TAFA5: variants seen among roughly 807,000 people sequenced by gnomAD.
The protein encoded by TAFA5 is TAFA chemokine like family member 5.
Under a neutral mutation model 15.3 loss-of-function variants are expected in TAFA5, and 6 were observed. The observed-to-expected ratio is 0.39, with a 90% CI of 0.21 to 0.77. The LOEUF (loss-of-function observed/expected upper bound fraction) is 0.77. TAFA5 is among the 30% of genes least tolerant of loss of function. The pLI is 0.41. For synonymous variants in TAFA5, 103 were observed against 80.7 expected (o/e 1.28, Z -1.48); for missense variants, 161 against 193.1 (o/e 0.83, Z 0.98).
intron 1 of TAFA5, among the ~76,000 whole-genome samples, chr22:48,558,803 G>T (rs1001121797): frequency 2.0e-5 from 3 of 152,246 alleles, no homozygotes; most frequent in Non-Finnish European, 2.9e-5. Context: ...AGGTCAGGAG[G>T]ATACCCTGGG....
At chr22:48,662,969 G>A (rs542189808) in intron 2 of TAFA5, among the ~76,000 whole-genome samples, 2 of 152,288 alleles carry the variant, frequency 1.3e-5, no homozygotes, top group African/African-American at 4.8e-5. Context: ...CAGACCACTC[G>A]GCAGATCTGG....
At chr22:48,540,494 A>G (rs969094057) in intron 1 of TAFA5, among the ~76,000 whole-genome samples, 3 of 152,078 alleles carry the variant, frequency 2.0e-5, no homozygotes, top group African/African-American at 7.2e-5. Context: ...CTAATGGGGC[A>G]CATAAGCCTT....
intron 1 of TAFA5, among the ~76,000 whole-genome samples, chr22:48,633,627 C>T (rs1386006542): frequency 3.3e-5 from 5 of 151,768 alleles, no homozygotes; most frequent in Non-Finnish European, 5.9e-5. Flanking sequence ...GTGCAAATTC[C>T]TCCTGAACGG....
At chr22:48,495,664 G>A (rs556445864) in intron 1 of TAFA5, among the ~76,000 whole-genome samples, 1 of 152,162 alleles carries the variant, frequency 6.6e-6, no homozygotes. Flanking sequence ...TCTCTGTCTG[G>A]GCTGCCGTCA....
intron 1 of TAFA5, chr22:48,546,830 C>T (rs1330749195): frequency 1.6e-5 from 5 of 312,484 alleles, no homozygotes; most frequent in Non-Finnish European, 3.2e-5. Flanking sequence ...TTCCAGGAGG[C>T]TCCACCCTCT....
At chr22:48,701,667 T>C (rs963494964) in intron 2 of TAFA5, among the ~76,000 whole-genome samples, 1 of 152,238 alleles carries the variant, frequency 6.6e-6, no homozygotes, top group African/African-American at 2.4e-5. Flanking sequence ...TGAACAAGGC[T>C]GTGCGGAGGA....
intron 1 of TAFA5, among the ~76,000 whole-genome samples, chr22:48,644,055 C>T (rs1450147979): frequency 2.0e-5 from 3 of 152,238 alleles, no homozygotes; most frequent in African/African-American, 4.8e-5. Context: ...CGCTGTTATC[C>T]AGAGAGAAGC....
chr22:48,544,915 G>A (rs1456254687), intron 1 of TAFA5: 2 of 470,358 alleles, frequency 4.3e-6, no homozygotes, highest in Non-Finnish European at 8.8e-6. Context: ...CCCACCTCCT[G>A]CCGCAAGGCC....
intron 2 of TAFA5, among the ~76,000 whole-genome samples, chr22:48,673,602 T>G (rs538020078): frequency 6.6e-6 from 1 of 152,254 alleles, no homozygotes; most frequent in African/African-American, 2.4e-5. Context: ...AGGCTCTGGG[T>G]GTTCCAGGGT....
intron 1 of TAFA5, among the ~76,000 whole-genome samples, chr22:48,542,169 CATGTGTGAT>C (rs1336063464): frequency 1.0e-5 from 1 of 96,268 alleles, no homozygotes; most frequent in Admixed American, 1.2e-4. Flanking sequence ...GGTGTGTGTG[CATGTGTGAT>C]GTGTGTGTCG....
At chr22:48,595,384 AGGG>A (rs1398163405) in intron 1 of TAFA5, among the ~76,000 whole-genome samples, 3 of 152,176 alleles carry the variant, frequency 2.0e-5, no homozygotes, top group Admixed American at 6.5e-5. Flanking sequence ...AACAGGTGTT[AGGG>A]GGAGTGGAGG....
intron 1 of TAFA5, among the ~76,000 whole-genome samples, chr22:48,562,328 C>G (rs62225924): frequency 6.6e-6 from 1 of 152,090 alleles, no homozygotes; most frequent in Non-Finnish European, 1.5e-5. Flanking sequence ...TTAGTAGAGA[C>G]GGGGTTTCAC....
intron 2 of TAFA5, among the ~76,000 whole-genome samples, chr22:48,658,868 G>T (rs907115616): frequency 6.6e-6 from 1 of 152,238 alleles, no homozygotes; most frequent in Non-Finnish European, 1.5e-5. Context: ...GATGGACAGT[G>T]CCCTGTGCTG....
rs1921766463 is a variant in TAFA5 at position 48,525,891 on chromosome 22, C to T, written c.112+36187C>T. Among the ~76,000 whole-genome samples, 3 of 152,218 alleles carry T rather than the reference C, an allele frequency of 2.0e-5. No homozygotes were observed. The South Asian group carries it at 6.2e-4, about 32-fold the overall frequency. On this transcript the variant is annotated intron_variant, in intron 1 of 3. Transcript: ENST00000402357. ...ATGTGTGTGGCTCATTCCCTCCTTA[C>T]TCTCCCCACCTGTGGACGAGGTGTC...
At chr22:48,617,244 A>C (rs1426167095) in intron 1 of TAFA5, among the ~76,000 whole-genome samples, 1 of 115,152 alleles carries the variant, frequency 8.7e-6, no homozygotes, top group East Asian at 2.0e-4. Context: ...AAGAGGAGGC[A>C]AAAGGGGCAT....
chr22:48,528,921 G>T (rs1000200759), intron 1 of TAFA5, among the ~76,000 whole-genome samples: 1 of 152,302 alleles, frequency 6.6e-6, no homozygotes, highest in Non-Finnish European at 1.5e-5. Flanking sequence ...GGGAGGGGTA[G>T]CAGGGAGACA....
At position 48,598,266 on chromosome 22, in the gene TAFA5, C is replaced by T. The variant is rs114082694; in HGVS notation, c.113-48331C>T. On this transcript the variant is annotated intron_variant, in intron 1 of 3. Coordinates refer to ENST00000402357, the MANE Select transcript of TAFA5 (RefSeq NM_001082967.3). This position sits in a 1 kb window ranked among gnomAD's most constrained non-coding sequence, Gnocchi z 4.0. ...GGCCATCTGCTTTATTCAAAATCAC[C>T]GATTCAGGCGTTACTCTCATCCAAA... Among the ~76,000 whole-genome samples the T allele has an allele frequency of 7.6e-3, 1,161 of 152,268 alleles. 14 individuals carry two copies. The highest frequency in any genetic ancestry group is 0.026 in the African/African-American group (1,087 of 41,550).
chr22:48,570,326 A>G (rs1252868178), intron 1 of TAFA5, among the ~76,000 whole-genome samples: 2 of 152,214 alleles, frequency 1.3e-5, no homozygotes, highest in Non-Finnish European at 2.9e-5. Flanking sequence ...AACACAATTT[A>G]TCTACATTGT....
chr22:48,512,673 C>T lies in TAFA5; in HGVS notation c.112+22969C>T, dbSNP rs1334815449. ...CGGTGGCTCATGCCTGTAATCCTAG[C>T]ACTTTGGGAGGCCGAGGCGGGTGGA... On this transcript the variant is annotated intron_variant, in intron 1 of 3. Transcript: ENST00000402357. 3.3e-5 allele frequency among the ~76,000 whole-genome samples: 5 copies of T among 151,378 alleles called. No individual in the cohort carries two copies. The East Asian group carries it at 7.8e-4, about 24-fold the overall frequency.
Sources: gnomAD v4.1 joint callset for allele counts (sites outside exome capture counted in the v4.1 genomes callset) on GRCh38, gnomAD v4.1.1 for gene constraint, Gnocchi (gnomAD v3.1) non-coding constraint, MANE v1.5 for transcripts, NCBI Gene and HGNC (gene_info 2026-07-23, HGNC 2026-07-21) for gene names.